The following FAM234A variants were observed in gnomAD, a reference collection of about 807,000 sequenced individuals.
FAM234A encodes family with sequence similarity 234 member A, also known as protein FAM234A.
In FAM234A, 42 loss-of-function variants were observed where a neutral mutation model predicts 49.1. The observed-to-expected ratio is 0.86, with a 90% CI of 0.67 to 1.11. The LOEUF (loss-of-function observed/expected upper bound fraction) is 1.11, where lower values mean the gene tolerates loss of function less well. Among genes scored for constraint, FAM234A ranks in the 50% least tolerant of loss-of-function variants. FAM234A has a pLI of 0.00. For synonymous variants in FAM234A, 369 were observed against 316.2 expected, an observed-to-expected ratio of 1.17 and a Z score of -1.77; for missense variants, 815 against 745.2, an observed-to-expected ratio of 1.09 and a Z score of -1.09.
rs368314150 is a variant in FAM234A at position 263,367 on chromosome 16, G to T, written c.1077G>T (p.Thr359=). The T allele has an allele frequency of 1.7e-5, 27 of 1,611,836 alleles. No individual in the cohort carries two copies. In the African/African-American group the frequency reaches 3.6e-4, roughly 22 times the overall value. Residue 359 remains threonine, a synonymous_variant, in exon 9 of 13, where the codon ACG becomes ACT. Coordinates refer to ENST00000399932, the MANE Select transcript of FAM234A (RefSeq NM_032039.4). ...AFVLLDGQEL[T]PRWTPKAAHV... is the part of the protein sequence containing the mutation. ...TGCTGCTGGACGGGCAGGAGCTGAC[G>T]CCTCGCTGGACACCCAAGGCAGCCC...
At chr16:253,549 A>C (rs1207748948) in intron 2 of FAM234A, among the ~76,000 whole-genome samples, 3 of 151,360 alleles carry the variant, frequency 2.0e-5, no homozygotes, top group Non-Finnish European at 4.4e-5. Flanking sequence ...ATCTCGGCTC[A>C]CTGCAAGCTC....
intron 12 of FAM234A, 35 bp downstream of exon 12, chr16:264,751 C>G: frequency 6.2e-7 from 1 of 1,607,020 alleles, no homozygotes; most frequent in South Asian, 1.1e-5. Flanking sequence ...CCGGGTGTTC[C>G]GCGGGGTCTG....
chr16:241,275 G>GAA (rs3074556), intron 1 of FAM234A, among the ~76,000 whole-genome samples: 68,977 of 147,080 alleles, frequency 0.47, 17,879 homozygotes, highest in African/African-American at 0.7. Flanking sequence ...CAAAAAGAAA[G>GAA]AAAAAAAAAA....
chr16:261,438 GC>G lies in FAM234A; in HGVS notation c.635del (p.Pro212LeufsTer78). 6.2e-7 allele frequency: 1 copy of G among 1,613,662 alleles called. No homozygotes were observed. The highest frequency in any genetic ancestry group is 2.2e-5 in the East Asian group (1 of 44,886). On this transcript the variant is annotated frameshift_variant, in exon 6 of 13. Coordinates refer to ENST00000399932, the MANE Select transcript of FAM234A (RefSeq NM_032039.4). LOFTEE classifies it high-confidence loss of function. ...SSFSGNASIL[S>X]PLLQVPDVDG... The stretch of plus-strand genomic sequence containing the variant: ...TTCAGCGGGAATGCGTCCATCCTGA[GC>G]CCTCTGCTGCAGGTGCCTGATGTGG...
intron 4 of FAM234A, 26 bp downstream of exon 4, chr16:259,625 CGGAGCTCCCTGTAGAAA>C: frequency 7.3e-7 from 1 of 1,375,178 alleles, no homozygotes; most frequent in East Asian, 2.3e-5. Context: ...ATGAAAAAGG[CGGAGCTCCCTGTAGAAA>C]GAGGAATCGT....
At chr16:258,045 A>AAGGTTAGGGTTAGGGTT (rs2051307118) in intron 3 of FAM234A, among the ~76,000 whole-genome samples, 2 of 151,576 alleles carry the variant, frequency 1.3e-5, no homozygotes, top group African/African-American at 4.9e-5. Context: ...TTTAGTAGAG[A>AAGGTTAGGGTTAGGGTT]AGGTTTCACC....
intron 1 of FAM234A, among the ~76,000 whole-genome samples, chr16:238,631 T>C (rs1204340481): frequency 1.3e-5 from 2 of 150,666 alleles, no homozygotes; most frequent in Non-Finnish European, 1.5e-5. Flanking sequence ...CCAGGCGTGG[T>C]GACGGGTGCC....
chr16:265,431 G>A lies in FAM234A; in HGVS notation c.*409G>A. ...GCCATCGCGTAGAAAGAACCAGGGT[G>A]TCCCCGGGACAGGCCGTCCCCCACC... On this transcript the variant is annotated 3_prime_UTR_variant, in exon 13 of 13. Coordinates refer to ENST00000399932, the MANE Select transcript of FAM234A (RefSeq NM_032039.4). 2.0e-6 allele frequency: 2 copies of A among 1,006,590 alleles called. No homozygotes were observed. Among genetic ancestry groups the A allele is most frequent in the Non-Finnish European group, 2.4e-6 (2 of 844,352 alleles). 62.4% of individuals were successfully genotyped at this position (1,006,590 alleles called of 1,614,324 possible). A position where few individuals can be genotyped will look rare whatever the true frequency, so the allele number is the denominator to read the frequency against.
At chr16:235,254 TGA>T (rs543255967) in intron 1 of FAM234A, among the ~76,000 whole-genome samples, 85 of 152,222 alleles carry the variant, frequency 5.6e-4, no homozygotes, top group African/African-American at 2.0e-3. Flanking sequence ...CTGGGTTGCC[TGA>T]GAGTGTTTTT....
chr16:240,228 G>T (rs1458635369), intron 1 of FAM234A: 2 of 152,196 alleles, frequency 1.3e-5, no homozygotes, highest in African/African-American at 4.8e-5. Flanking sequence ...TACAAGATTG[G>T]TTAGTGATTA....
chr16:262,003 C>G lies in FAM234A; in HGVS notation c.709-90C>G. On this transcript the variant is annotated intron_variant, in intron 6 of 12. Transcript: ENST00000399932. ...CCTGGGCCTTGTGTCATTGCAGCCC[C>G]AGGCTCAGGTCCTTCTCTTCCTGGG... 5.2e-6 allele frequency: 5 copies of G among 960,182 alleles called. No homozygotes were observed. The South Asian group carries it at 1.0e-4, about 19-fold the overall frequency. 59.5% of individuals were successfully genotyped at this position (960,182 alleles called of 1,614,324 possible). A position where few individuals can be genotyped will look rare whatever the true frequency, so the allele number is the denominator to read the frequency against.
In FAM234A at chr16:262,558, G is replaced by C; in HGVS notation, c.971+5G>C. 6.3e-7 allele frequency: 1 copy of C among 1,584,528 alleles called. No homozygotes were observed. The highest frequency in any genetic ancestry group is 8.6e-7 in the Non-Finnish European group (1 of 1,167,400). On this transcript the variant is annotated splice_donor_5th_base_variant and intron_variant, in intron 8 of 12. Coordinates refer to ENST00000399932, the MANE Select transcript of FAM234A (RefSeq NM_032039.4). ...CCGCAGGATGCTTTCCCACAGGTGGGTCCGGGCCGCAGCCTTTCTCCATGC... is the reference window on the plus strand; with the variant it reads ...CCGCAGGATGCTTTCCCACAGGTGGCTCCGGGCCGCAGCCTTTCTCCATGC...
intron 2 of FAM234A, among the ~76,000 whole-genome samples, chr16:251,843 A>G (rs1217487674): frequency 6.6e-6 from 1 of 150,804 alleles, no homozygotes; most frequent in Non-Finnish European, 1.5e-5. Context: ...CTCTACTAAA[A>G]ATACAAAAAA....
At chr16:242,354 A>G (rs1301808255) in intron 1 of FAM234A, among the ~76,000 whole-genome samples, 1 of 152,114 alleles carries the variant, frequency 6.6e-6, no homozygotes, top group Non-Finnish European at 1.5e-5. Context: ...AGCTGAGACT[A>G]TAGGCAGACA....
At chr16:237,541 T>C (rs1024380352) in intron 1 of FAM234A, among the ~76,000 whole-genome samples, 1 of 152,068 alleles carries the variant, frequency 6.6e-6, no homozygotes, top group African/African-American at 2.4e-5. Context: ...CTCACAAGGC[T>C]AGTGACTGGA....
chr16:254,151 C>T, intron 2 of FAM234A: 1 of 492,590 alleles, frequency 2.0e-6, no homozygotes, highest in East Asian at 3.8e-5. Flanking sequence ...TTCCTGCCTG[C>T]TGGCTCTCCA....
intron 1 of FAM234A, among the ~76,000 whole-genome samples, chr16:244,854 A>ATTTTTTTTTTTTTTTT (rs1203898846): frequency 2.7e-5 from 4 of 147,380 alleles, no homozygotes; most frequent in Admixed American, 6.8e-5. Flanking sequence ...CGCCCGGCTA[A>ATTTTTTTTTTTTTTTT]TTTTTTTTTG....
At chr16:268,659 C>A, downstream of FAM234A, 1 of 1,055,982 alleles carries the variant, frequency 9.5e-7, no homozygotes, top group Non-Finnish European at 1.4e-6. Flanking sequence ...AAGCAGGTGC[C>A]GGCGCACCTG....
rs371787793 is a variant in FAM234A at position 260,602 on chromosome 16, C to T, written c.577+442C>T. The T allele has an allele frequency of 1.6e-4, 75 of 474,710 alleles. 1 individual carries two copies. The East Asian group carries it at 4.0e-3, about 25-fold the overall frequency. 29.4% of individuals were successfully genotyped at this position (474,710 alleles called of 1,614,324 possible). On this transcript the variant is annotated intron_variant, in intron 5 of 12. Transcript: ENST00000399932. ...GAAGGTGCAGGTCTCCGAGCCCCAG[C>T]GGAGCCGGCCTCGTGGAAGGACGAG... is the stretch of plus-strand genomic sequence containing the variant.
Sources: allele counts gnomAD v4.1 joint callset (sites outside exome capture counted in the v4.1 genomes callset), GRCh38; gene constraint gnomAD v4.1.1; transcripts MANE v1.5; gene names NCBI Gene and HGNC (gene_info 2026-07-23, HGNC 2026-07-21).